The following CSMD1 variants were observed in gnomAD, a reference collection of about 807,000 sequenced individuals.
The protein encoded by CSMD1 is CUB and sushi domain-containing protein 1.
In CSMD1, 213 loss-of-function variants were observed where a neutral mutation model predicts 417.5. The observed-to-expected ratio is 0.51, with a 90% CI of 0.46 to 0.57. CSMD1 has a LOEUF of 0.57. CSMD1 is among the 20% of genes least tolerant of loss of function. The pLI is 0.00. For missense variants in CSMD1, 6,923 were observed against 4,529.7 expected (o/e 1.53, Z -15.17); for synonymous variants, 2,862 against 1,736.8 (o/e 1.65, Z -16.11).
chr8:4,126,998 G>C (rs1178203366), intron 3 of CSMD1, among the ~76,000 whole-genome samples: 1 of 152,102 alleles, frequency 6.6e-6, no homozygotes, highest in East Asian at 1.9e-4. Flanking sequence ...TCGAGTTTGA[G>C]AGCCACTGGC....
intron 11 of CSMD1, among the ~76,000 whole-genome samples, chr8:3,477,388 C>T (rs4993695): frequency 0.63 from 95,676 of 151,058 alleles, 31,332 homozygotes; most frequent in Middle Eastern, 0.74. Flanking sequence ...TTAATGTCCA[C>T]GAATGGCATA....
intron 5 of CSMD1, among the ~76,000 whole-genome samples, chr8:3,984,068 C>G (rs1021485051): frequency 6.8e-6 from 1 of 147,536 alleles, no homozygotes; most frequent in Non-Finnish European, 1.5e-5. Flanking sequence ...AATTGCAGCT[C>G]TAGAGCACAC....
Position 3,439,154 on chromosome 8 carries a change from C to CAAAAAAAAAAAAAAAAAAA in CSMD1, c.1562-29550_1562-29549insTTTTTTTTTTTTTTTTTTT, listed in dbSNP as rs1563390150. Among the ~76,000 whole-genome samples the CAAAAAAAAAAAAAAAAAAA allele has an allele frequency of 4.1e-3, 110 of 26,596 alleles. 24 individuals are homozygous for CAAAAAAAAAAAAAAAAAAA. Among genetic ancestry groups the CAAAAAAAAAAAAAAAAAAA allele is most frequent in the East Asian group, 0.011 (8 of 724 alleles). The allele number at this position is 26,596 out of a possible 152,430, so 17.4% of individuals were successfully genotyped here. A position where few individuals can be genotyped will look rare whatever the true frequency, so the allele number is the denominator to read the frequency against. On this transcript the variant is annotated intron_variant, in intron 12 of 69. Transcript: ENST00000635120. ...AAAAAAAAAAAAAAAAAAAAAAAAC[C>CAAAAAAAAAAAAAAAAAAA]AAGAAAAAAAAAAGAAAAAGAAAAA...
chr8:3,862,601 A>G (rs75787436), intron 5 of CSMD1, among the ~76,000 whole-genome samples: 2,564 of 152,332 alleles, frequency 0.017, 61 homozygotes, highest in African/African-American at 0.057. Context: ...ATTTGCTTAT[A>G]CATGGCCATA....
At chr8:4,078,405 C>T (rs1025409548) in intron 3 of CSMD1, among the ~76,000 whole-genome samples, 1 of 149,616 alleles carries the variant, frequency 6.7e-6, no homozygotes, top group African/African-American at 2.5e-5. Flanking sequence ...AGCTCCACCT[C>T]CCGGGTTCAC....
chr8:3,439,309 A>ATTATTT (rs1554552767), intron 12 of CSMD1, among the ~76,000 whole-genome samples: 2 of 62,462 alleles, frequency 3.2e-5, no homozygotes, highest in South Asian at 1.5e-3. Flanking sequence ...ATATATATAT[A>ATTATTT]TTTTTTTTTT....
chr8:3,820,809 C>T (rs1016062009), intron 5 of CSMD1, among the ~76,000 whole-genome samples: 2 of 152,224 alleles, frequency 1.3e-5, no homozygotes, highest in African/African-American at 4.8e-5. Context: ...ATCTCCAATT[C>T]CTGACCTCAG....
chr8:4,947,476 C>T (rs887961938), intron 1 of CSMD1, among the ~76,000 whole-genome samples: 1 of 152,042 alleles, frequency 6.6e-6, no homozygotes, highest in Non-Finnish European at 1.5e-5. Flanking sequence ...TCCAGATCAT[C>T]AACAATGAGA....
chr8:4,280,048 C>G (rs377112645), intron 3 of CSMD1, among the ~76,000 whole-genome samples: 4 of 152,238 alleles, frequency 2.6e-5, no homozygotes, highest in African/African-American at 9.6e-5. Flanking sequence ...GAACTCATAG[C>G]TAGAACGCTG....
chr8:3,611,532 G>T (rs967560064), intron 8 of CSMD1, among the ~76,000 whole-genome samples: 1 of 151,870 alleles, frequency 6.6e-6, no homozygotes, highest in Non-Finnish European at 1.5e-5. Context: ...CAAGGAAAAT[G>T]ACAAAATTTG....
intron 3 of CSMD1, among the ~76,000 whole-genome samples, chr8:4,417,981 A>G (rs1420117592): frequency 6.6e-6 from 1 of 152,034 alleles, no homozygotes; most frequent in Non-Finnish European, 1.5e-5. Flanking sequence ...TTACTCTTCC[A>G]CTTAAGACTA....
intron 10 of CSMD1, among the ~76,000 whole-genome samples, chr8:3,505,208 G>C (rs1441309876): frequency 2.0e-5 from 3 of 152,146 alleles, no homozygotes; most frequent in Non-Finnish European, 4.4e-5. Flanking sequence ...GAATGTAAAA[G>C]TCGCAATGCA....
intron 5 of CSMD1, among the ~76,000 whole-genome samples, chr8:3,796,455 AGATATCTATCATGTATATAGATATCTATC>A (rs1800152323): frequency 1.4e-5 from 2 of 139,026 alleles, no homozygotes; most frequent in Admixed American, 7.7e-5. Context: ...GTATAGATAT[AGATATCTATCATGTATATAGATATCTATC>A]TATCATGTAT....
At chr8:4,575,515 C>T (rs78918534) in intron 2 of CSMD1, among the ~76,000 whole-genome samples, 5,641 of 152,230 alleles carry the variant, frequency 0.037, 303 homozygotes, top group African/African-American at 0.13. Flanking sequence ...CCAGAGGCAT[C>T]ACCAGAGTGC....
chr8:3,966,673 T>C (rs993959055), intron 5 of CSMD1, among the ~76,000 whole-genome samples: 2 of 152,146 alleles, frequency 1.3e-5, no homozygotes, highest in African/African-American at 4.8e-5. Flanking sequence ...CTGTGTTTCA[T>C]GCTATCTGCC....
intron 7 of CSMD1, among the ~76,000 whole-genome samples, chr8:3,673,561 C>A (rs895399830): frequency 6.6e-6 from 1 of 152,094 alleles, no homozygotes; most frequent in Non-Finnish European, 1.5e-5. Flanking sequence ...AAGAGCCTAC[C>A]CTCTCAGTAT....
At chr8:3,734,621 G>T (rs935856317) in intron 6 of CSMD1, among the ~76,000 whole-genome samples, 11 of 152,208 alleles carry the variant, frequency 7.2e-5, no homozygotes, top group African/African-American at 2.4e-4. Flanking sequence ...TGAGGCAGGA[G>T]AATTGCTTGA....
rs575878508 is a variant in CSMD1 at position 4,649,502 on chromosome 8, G to T, written c.86-11944C>A. On this transcript the variant is annotated intron_variant, in intron 1 of 69. Coordinates refer to ENST00000635120, the MANE Select transcript of CSMD1 (RefSeq NM_033225.6). The stretch of plus-strand genomic sequence containing the variant: ...AAAGAAATGAGGGGTATAAACCCAC[G>T]TGAGTAGGACTTCTACCCCTGTGCT... 5.9e-5 allele frequency among the ~76,000 whole-genome samples: 9 copies of T among 152,290 alleles called. No individual in the cohort carries two copies. The East Asian group carries it at 1.5e-3, about 26-fold the overall frequency.
intron 5 of CSMD1, among the ~76,000 whole-genome samples, chr8:3,887,780 G>A (rs1364721858): frequency 6.6e-6 from 1 of 152,198 alleles, no homozygotes. Context: ...AACTGAGTGT[G>A]TGGTATCAGA....
Sources: allele counts gnomAD v4.1 joint callset (sites outside exome capture counted in the v4.1 genomes callset), GRCh38; gene constraint gnomAD v4.1.1; transcripts MANE v1.5; gene names NCBI Gene and HGNC (gene_info 2026-07-23, HGNC 2026-07-21).